VDAC1: variants seen among roughly 807,000 people sequenced by gnomAD.
VDAC1 encodes non-selective voltage-gated ion channel VDAC1.
VDAC1 carries 10 observed loss-of-function variants against 34.7 expected under a neutral mutation model. The observed-to-expected ratio is 0.29, with a 90% CI of 0.18 to 0.49. The LOEUF (loss-of-function observed/expected upper bound fraction) is 0.49, where lower values mean the gene tolerates loss of function less well. Among genes scored for constraint, VDAC1 ranks in the 20% least tolerant of loss-of-function variants. The probability of loss-of-function intolerance (pLI) is 0.99; values close to 1 mark genes in which losing one functional copy is unlikely to be tolerated. For synonymous variants in VDAC1, 130 were observed against 136.0 expected, an observed-to-expected ratio of 0.96 and a Z score of 0.30; for missense variants, 230 against 347.9, an observed-to-expected ratio of 0.66 and a Z score of 2.69.
chr5:134,028,708 G>A, the VDAC1 span, among the ~76,000 whole-genome samples: 5 of 152,240 alleles, frequency 3.3e-5, no homozygotes, highest in Non-Finnish European at 5.9e-5. Flanking sequence ...AGTGGGAAGG[G>A]ACCTTGCGGC....
chr5:134,002,596 TAC>T (rs1277121794), intron 1 of VDAC1, among the ~76,000 whole-genome samples: 1 of 152,218 alleles, frequency 6.6e-6, no homozygotes, highest in Non-Finnish European at 1.5e-5. Flanking sequence ...TACATACTGT[TAC>T]AGTTCTTTAA....
chr5:133,997,242 C>G (rs1753349878), intron 1 of VDAC1, among the ~76,000 whole-genome samples: 1 of 152,112 alleles, frequency 6.6e-6, no homozygotes, highest in Non-Finnish European at 1.5e-5. Flanking sequence ...GGAACCTGCC[C>G]CACTGTAGCA....
At chr5:134,101,452 C>T in the VDAC1 span, among the ~76,000 whole-genome samples, 14 of 151,766 alleles carry the variant, frequency 9.2e-5, no homozygotes, top group East Asian at 1.2e-3. Context: ...ATTAGCCGGG[C>T]GTGGTGGTGC....
upstream of VDAC1, among the ~76,000 whole-genome samples, chr5:134,006,317 G>C (rs1030569957): frequency 6.6e-6 from 1 of 152,156 alleles, no homozygotes; most frequent in Non-Finnish European, 1.5e-5. Context: ...CAGGGAGGCC[G>C]GGCGGGACAA....
At chr5:133,974,929 T>C (rs938001801) in intron 7 of VDAC1, among the ~76,000 whole-genome samples, 1 of 149,008 alleles carries the variant, frequency 6.7e-6, no homozygotes, top group Non-Finnish European at 1.5e-5. Context: ...CACTCCAGCC[T>C]GGGCAACAAA....
the VDAC1 span, among the ~76,000 whole-genome samples, chr5:134,114,244 T>C: frequency 6.6e-6 from 1 of 152,058 alleles, no homozygotes; most frequent in Non-Finnish European, 1.5e-5. Flanking sequence ...GCCGGTTCCC[T>C]GGGGTACGAG....
the VDAC1 span, among the ~76,000 whole-genome samples, chr5:134,030,615 G>A: frequency 1.1e-5 from 1 of 90,480 alleles, no homozygotes; most frequent in Non-Finnish European, 2.3e-5. Context: ...TTTTTTTTTT[G>A]AGATGGAGTC....
chr5:134,091,928 G>C, the VDAC1 span, among the ~76,000 whole-genome samples: 1 of 152,240 alleles, frequency 6.6e-6, no homozygotes, highest in African/African-American at 2.4e-5. Flanking sequence ...CTGGGTGTGT[G>C]CTTGGTAAGT....
At chr5:134,081,099 G>C in the VDAC1 span, among the ~76,000 whole-genome samples, 3 of 150,370 alleles carry the variant, frequency 2.0e-5, no homozygotes, top group African/African-American at 7.4e-5. Context: ...GTGCAATGGC[G>C]CGATCTCAGC....
At chr5:134,111,425 G>C in the VDAC1 span, among the ~76,000 whole-genome samples, 1 of 152,066 alleles carries the variant, frequency 6.6e-6, no homozygotes, top group Non-Finnish European at 1.5e-5. Flanking sequence ...ACCTCCAGGG[G>C]GGCAACCACA....
the VDAC1 span, among the ~76,000 whole-genome samples, chr5:134,095,522 A>AAATCAATC: frequency 4.0e-4 from 61 of 150,936 alleles, no homozygotes; most frequent in African/African-American, 1.1e-3. Flanking sequence ...ATAAATAAAT[A>AAATCAATC]AATCCAAGAG....
chr5:134,036,969 A>C, the VDAC1 span, among the ~76,000 whole-genome samples: 1 of 152,118 alleles, frequency 6.6e-6, no homozygotes, highest in Non-Finnish European at 1.5e-5. Context: ...AAAAACAAAA[A>C]AACAACAAAC....
chr5:134,076,901 T>G, the VDAC1 span, among the ~76,000 whole-genome samples: 40 of 152,174 alleles, frequency 2.6e-4, no homozygotes, highest in African/African-American at 9.7e-4. Flanking sequence ...TAACAGGAGA[T>G]CCGGAGGCAG....
the VDAC1 span, among the ~76,000 whole-genome samples, chr5:134,051,961 G>A: frequency 6.6e-6 from 1 of 152,016 alleles, no homozygotes; most frequent in East Asian, 1.9e-4. Flanking sequence ...GCCTCCCAAA[G>A]TGCTGGGATT....
chr5:134,078,848 A>G, the VDAC1 span, among the ~76,000 whole-genome samples: 1 of 151,474 alleles, frequency 6.6e-6, no homozygotes, highest in Non-Finnish European at 1.5e-5. Context: ...ATGGGGTTTC[A>G]CCATGTTGGC....
intron 1 of VDAC1, among the ~76,000 whole-genome samples, chr5:133,994,275 A>G (rs895951019): frequency 6.6e-6 from 1 of 152,244 alleles, no homozygotes; most frequent in Non-Finnish European, 1.5e-5. Flanking sequence ...ATAAACTTCT[A>G]CAATTTTAAA....
rs752129441 is a variant in VDAC1 at position 133,976,003 on chromosome 5, A to G, written c.570T>C (p.Phe190=). The G allele has an allele frequency of 6.2e-7, 1 of 1,614,130 alleles. No homozygotes were observed. The highest frequency in any genetic ancestry group is 1.1e-5 in the South Asian group (1 of 91,068). ...LHTNVNDGTE[F]GGSIYQKVNK... ...TCACTTTCTGGTAAATGGAGCCGCC[A>G]AACTCTGTCCCGTCATTCCTGCAAA... The change falls in exon 7 of 9, where the codon TTT becomes TTC. Residue 190 remains phenylalanine (F), a synonymous_variant. Coordinates refer to ENST00000265333, the MANE Select transcript of VDAC1 (RefSeq NM_003374.3).
chr5:133,987,020 C>G (rs376946036), intron 5 of VDAC1, among the ~76,000 whole-genome samples: 1 of 152,168 alleles, frequency 6.6e-6, no homozygotes, highest in East Asian at 1.9e-4. Flanking sequence ...CTCTTCCTTA[C>G]GGTAGAATAC....
intron 1 of VDAC1, among the ~76,000 whole-genome samples, chr5:134,003,590 A>C (rs1285816397): frequency 1.3e-5 from 2 of 152,210 alleles, no homozygotes; most frequent in Non-Finnish European, 2.9e-5. Context: ...AACAGGAGCT[A>C]CATTTATTGA....
Sources: gnomAD v4.1 joint callset for allele counts (sites outside exome capture counted in the v4.1 genomes callset) on GRCh38, gnomAD v4.1.1 for gene constraint, MANE v1.5 for transcripts, NCBI Gene and HGNC (gene_info 2026-07-23, HGNC 2026-07-21) for gene names.